The following CROCC2 variants were observed in gnomAD, a reference collection of about 807,000 sequenced individuals.
CROCC2 encodes ciliary rootlet coiled-coil, rootletin family member 2, also known as ciliary rootlet coiled-coil protein 2.
A neutral mutation model predicts 177.6 loss-of-function variants in CROCC2; 163 were observed. The ratio of observed to expected loss-of-function variants is 0.92; its 90% CI spans 0.81 to 1.05. CROCC2 has a LOEUF of 1.05. Ranked by LOEUF, CROCC2 falls within the 50% of genes least tolerant of loss-of-function variation. CROCC2 has a pLI of 0.00. For missense variants in CROCC2, 1,929 were observed against 1,797.8 expected, an observed-to-expected ratio of 1.07 and a Z score of -1.32; for synonymous variants, 904 against 787.3, an observed-to-expected ratio of 1.15 and a Z score of -2.48.
chr2:240,969,263 G>A (rs903661100), intron 27 of CROCC2, among the ~76,000 whole-genome samples: 22 of 152,216 alleles, frequency 1.4e-4, no homozygotes, highest in East Asian at 3.9e-4. Flanking sequence ...GCTGTTCCAC[G>A]CGGGGCTCAG....
In CROCC2 at chr2:240,918,719, C is replaced by T. The variant is rs991104358; in HGVS notation, c.79-7C>T. The T allele has an allele frequency of 8.9e-6, 5 of 561,746 alleles. No homozygotes were observed. The highest frequency in any genetic ancestry group is 6.0e-5 in the African/African-American group (3 of 49,994). The allele number at this position is 561,746 out of a possible 1,614,324, so 34.8% of individuals were successfully genotyped here. A position where few individuals can be genotyped will look rare whatever the true frequency, so the allele number is the denominator to read the frequency against. On this transcript the variant is annotated splice_polypyrimidine_tract_variant and splice_region_variant and intron_variant, in intron 1 of 31. Transcript: ENST00000690015. This position sits in a 1 kb window ranked among gnomAD's most constrained non-coding sequence, Gnocchi z 6.3. Reference sequence around the variant, plus strand: ...CATCTCCAGGTATCTCTGGGGGTGTCTTTCAGAGACTGGAGGACACCATCC... The same window carrying T: ...CATCTCCAGGTATCTCTGGGGGTGTTTTTCAGAGACTGGAGGACACCATCC...
At chr2:240,923,276 C>T (rs972055462) in intron 4 of CROCC2, among the ~76,000 whole-genome samples, 5 of 151,950 alleles carry the variant, frequency 3.3e-5, no homozygotes, top group African/African-American at 1.2e-4. Flanking sequence ...GCCCCCCCCG[C>T]CACCGCTGTC....
chr2:240,983,094 G>A, intron 28 of CROCC2, 65 bp downstream of exon 28: 2 of 1,446,324 alleles, frequency 1.4e-6, no homozygotes, highest in East Asian at 2.5e-5. Context: ...CTACAGGGAA[G>A]AGGCCCTGTG....
At chr2:240,957,492 G>A (rs10173220) in intron 19 of CROCC2, 86,881 of 152,118 alleles carry the variant, frequency 0.57, 25,382 homozygotes, top group Non-Finnish European at 0.63. Flanking sequence ...ACAGAGGCAC[G>A]CGCAGGCCGC....
chr2:240,963,692 A>T lies in CROCC2; in HGVS notation c.3224A>T (p.Glu1075Val). Reference protein sequence around the residue: ...AQEARRALSDEAREKDVLLLF... With the variant: ...AQEARRALSDVAREKDVLLLF... ...GAGGCCCGCCGGGCGCTGAGTGACG[A>T]GGCCCGCGAGAAGGACGTACTGTTG... The change falls in exon 21 of 32, where the codon GAG becomes GTG. Residue 1075 changes from glutamate to valine, a missense_variant. By Grantham distance (121) the Glu-to-Val change is moderately radical (BLOSUM62 -2). Around this residue, in one of 3 missense-constraint regions of CROCC2, gnomAD observed 1,397 missense variants for 1,239.9 expected, o/e 1.13. Coordinates refer to ENST00000690015, the MANE Select transcript of CROCC2 (RefSeq NM_001351305.2). 6.5e-7 allele frequency: 1 copy of T among 1,550,236 alleles called. No individual in the cohort carries two copies. The highest frequency in any genetic ancestry group is 8.7e-7 in the Non-Finnish European group (1 of 1,146,808).
Position 240,987,799 on chromosome 2 carries a change from C to T in CROCC2, c.4552-940C>T, listed in dbSNP as rs149614932. On this transcript the variant is annotated intron_variant, in intron 28 of 31. Coordinates refer to ENST00000690015, the MANE Select transcript of CROCC2 (RefSeq NM_001351305.2). ...GCCCCAGCAGGCATGACCCTCGGGG[C>T]TGGGCACGGCAGAGCCTGGAGGCAG... Among the ~76,000 whole-genome samples, 1,162 of 152,368 alleles carry T rather than the reference C, an allele frequency of 7.6e-3. 16 individuals carry two copies. Among genetic ancestry groups the T allele is most frequent in the African/African-American group, 0.027 (1,121 of 41,586 alleles).
rs1211208553 is a variant in CROCC2, at chr2:240,971,866, T to TA, written c.4401+3604_4401+3605insA. ...CAAGGTCCCAGGAGAATTTCAGGTC[T>TA]TACTCCTACTCAGCTAATCTCAGGA... On this transcript the variant is annotated intron_variant, in intron 27 of 31. Transcript: ENST00000690015. 2.6e-5 allele frequency among the ~76,000 whole-genome samples: 4 copies of TA among 152,268 alleles called. No homozygotes were observed. The East Asian group carries it at 7.7e-4, about 29-fold the overall frequency.
In CROCC2 at chr2:240,982,870, T is replaced by C; in HGVS notation, c.4402-10T>C. The C allele has an allele frequency of 6.5e-7, 1 of 1,545,110 alleles. No individual in the cohort carries two copies. The highest frequency in any genetic ancestry group is 1.2e-5 in the South Asian group (1 of 83,330). On this transcript the variant is annotated splice_polypyrimidine_tract_variant and intron_variant, in intron 27 of 31. Transcript: ENST00000690015. The surrounding 1 kb of genome is among the most constrained non-coding windows in gnomAD (Gnocchi z 4.7). Reference sequence around the variant, plus strand: ...GTCTCCAGGTGGACCCTGTGTCTCCTTCCCCCCAGGAGCAACTGGAAACGC... The same window carrying C: ...GTCTCCAGGTGGACCCTGTGTCTCCCTCCCCCCAGGAGCAACTGGAAACGC...
chr2:240,965,650 G>A lies in CROCC2; in HGVS notation c.3618G>A (p.Gln1206=), dbSNP rs2059677122. 6 of 1,550,688 alleles carry A rather than the reference G, an allele frequency of 3.9e-6. No individual in the cohort carries two copies. Among genetic ancestry groups the A allele is most frequent in the Non-Finnish European group, 5.2e-6 (6 of 1,147,004 alleles). Reference sequence around the variant, plus strand: ...CCCTCCTACAGGTCCTGGGATTGCAGAGGAAGTTGGCAGAGGTGGAGGCCG... The same window carrying A: ...CCCTCCTACAGGTCCTGGGATTGCAAAGGAAGTTGGCAGAGGTGGAGGCCG... ...EGARKEVLGL[Q]RKLAEVEAAG... The change falls in exon 24 of 32, where the codon CAG becomes CAA. Residue 1206 remains glutamine, a synonymous_variant. Coordinates refer to ENST00000690015, the MANE Select transcript of CROCC2 (RefSeq NM_001351305.2).
At chr2:240,974,487 A>AC (rs1208391079) in intron 27 of CROCC2, among the ~76,000 whole-genome samples, 1 of 150,148 alleles carries the variant, frequency 6.7e-6, no homozygotes, top group Non-Finnish European at 1.5e-5. Flanking sequence ...GACTACAGGC[A>AC]CATGCCACTA....
chr2:240,945,358 G>A (rs1028283038), intron 14 of CROCC2, among the ~76,000 whole-genome samples: 8 of 152,206 alleles, frequency 5.3e-5, no homozygotes, highest in Non-Finnish European at 8.8e-5. Context: ...CTGATTCACC[G>A]CTAGTACTAG....
intron 19 of CROCC2, 94 bp from the exon 20 acceptor site, chr2:240,959,207 G>A: frequency 7.1e-7 from 1 of 1,401,690 alleles, no homozygotes. Context: ...CCAGGCCACT[G>A]CAACACCTCT....
At chr2:240,938,401 T>C (rs1184474863) in intron 14 of CROCC2, among the ~76,000 whole-genome samples, 1 of 152,278 alleles carries the variant, frequency 6.6e-6, no homozygotes, top group African/African-American at 2.4e-5. Context: ...GTGGGATTTG[T>C]TGATCTGTGC....
intron 5 of CROCC2, among the ~76,000 whole-genome samples, chr2:240,926,124 T>TCCCTGC (rs1363096784): frequency 6.6e-6 from 1 of 152,150 alleles, no homozygotes; most frequent in Non-Finnish European, 1.5e-5. Context: ...GATCTCAGAA[T>TCCCTGC]GGGGCACTGG....
intron 15 of CROCC2, among the ~76,000 whole-genome samples, chr2:240,948,479 G>A (rs1266656977): frequency 6.6e-6 from 1 of 152,196 alleles, no homozygotes; most frequent in Non-Finnish European, 1.5e-5. Flanking sequence ...GTGTTTGTAC[G>A]TGTTGTTTAA....
intron 14 of CROCC2, among the ~76,000 whole-genome samples, chr2:240,938,181 G>A (rs58294711): frequency 0.028 from 4,309 of 152,282 alleles, 145 homozygotes; most frequent in East Asian, 0.16. Context: ...CTCTGTGGGC[G>A]GGGCCCAGAA....
In CROCC2 at chr2:240,943,370, C is replaced by G. The variant is rs528041079; in HGVS notation, c.2170-2690C>G. On this transcript the variant is annotated intron_variant, in intron 14 of 31. Coordinates refer to ENST00000690015, the MANE Select transcript of CROCC2 (RefSeq NM_001351305.2). Reference sequence around the variant, plus strand: ...GCATTTCCTTGCTCTCTGATATCCGCTCTTCTTTTCGTTCCCCGGCTGCTT... The same window carrying G: ...GCATTTCCTTGCTCTCTGATATCCGGTCTTCTTTTCGTTCCCCGGCTGCTT... Among the ~76,000 whole-genome samples, 9 of 152,178 alleles carry G rather than the reference C, an allele frequency of 5.9e-5. No individual in the cohort carries two copies. The South Asian group carries it at 1.9e-3, about 32-fold the overall frequency.
At chr2:240,945,897 A>G (rs2059520774) in intron 14 of CROCC2, among the ~76,000 whole-genome samples, 163 bp from the exon 15 acceptor site, 1 of 152,134 alleles carries the variant, frequency 6.6e-6, no homozygotes, top group South Asian at 2.1e-4. Context: ...TTGTAAAAAC[A>G]TACATGTGTT....
intron 28 of CROCC2, among the ~76,000 whole-genome samples, chr2:240,988,456 G>A (rs566955034): frequency 2.0e-5 from 3 of 152,162 alleles, no homozygotes; most frequent in Non-Finnish European, 4.4e-5. Flanking sequence ...AAAGATGTAG[G>A]GAGTCCCCCA....
Sources: gnomAD v4.1 joint callset for allele counts (sites outside exome capture counted in the v4.1 genomes callset) on GRCh38, gnomAD v4.1.1 for gene constraint, gnomAD v4.1.1 regional missense constraint, Gnocchi (gnomAD v3.1) non-coding constraint, MANE v1.5 for transcripts, NCBI Gene and HGNC (gene_info 2026-07-23, HGNC 2026-07-21) for gene names.